The following RALGPS2 variants were observed in gnomAD, a reference collection of about 807,000 sequenced individuals.
The protein encoded by RALGPS2 is Ral GEF with PH domain and SH3 binding motif 2.
A neutral mutation model predicts 86.8 loss-of-function variants in RALGPS2; 43 were observed. The observed-to-expected ratio is 0.50, with a 90% CI of 0.39 to 0.64. The LOEUF is 0.64. Ranked by LOEUF, RALGPS2 falls within the 30% of genes least tolerant of loss-of-function variation. The probability of loss-of-function intolerance (pLI) is 0.00; values close to 1 mark genes in which losing one functional copy is unlikely to be tolerated. For missense variants in RALGPS2, 536 were observed against 694.6 expected (o/e 0.77, Z 2.57); for synonymous variants, 243 against 231.3 (o/e 1.05, Z -0.46).
intron 1 of RALGPS2, among the ~76,000 whole-genome samples, chr1:178,772,080 C>T (rs554934032): frequency 6.6e-6 from 1 of 152,190 alleles, no homozygotes; most frequent in Non-Finnish European, 1.5e-5. Context: ...TGTTGTTTTT[C>T]TGTTCTGCTG....
chr1:178,910,852 G>C (rs1234853848), intron 19 of RALGPS2, among the ~76,000 whole-genome samples: 2 of 152,002 alleles, frequency 1.3e-5, no homozygotes, highest in African/African-American at 4.8e-5. Flanking sequence ...GCTCTTTTTC[G>C]TACATATGGT....
intron 8 of RALGPS2, among the ~76,000 whole-genome samples, chr1:178,845,359 T>C (rs1360789574): frequency 6.6e-6 from 1 of 152,168 alleles, no homozygotes; most frequent in African/African-American, 2.4e-5. Flanking sequence ...TACTTTTTTG[T>C]TAGAAGAGAA....
At chr1:178,735,385 G>A (rs141329107) in intron 1 of RALGPS2, among the ~76,000 whole-genome samples, 11 of 151,976 alleles carry the variant, frequency 7.2e-5, no homozygotes, top group South Asian at 4.2e-4. Flanking sequence ...ACAACAAAGA[G>A]GGACCTTCTA....
intron 8 of RALGPS2, chr1:178,852,613 A>G: frequency 6.7e-7 from 1 of 1,491,946 alleles, no homozygotes; most frequent in South Asian, 1.3e-5. Context: ...AGTAGCATAT[A>G]TATTAGTAGA....
At position 178,795,145 on chromosome 1, in the gene RALGPS2, A is replaced by C. The variant is rs951960482; in HGVS notation, c.213+9538A>C. On this transcript the variant is annotated intron_variant, in intron 4 of 19. Coordinates refer to ENST00000367635, the MANE Select transcript of RALGPS2 (RefSeq NM_152663.5). ...CAGTGAGCCGAGATTGCGCCACTGC[A>C]CTCCAGCCTGGGTGATGGAGTGAGA... is the stretch of plus-strand genomic sequence containing the variant. 2.8e-4 allele frequency among the ~76,000 whole-genome samples: 43 copies of C among 151,340 alleles called. 1 individual carries two copies. The highest frequency in any genetic ancestry group is 4.4e-5 in the Non-Finnish European group (3 of 67,862).
chr1:178,852,924 G>T, intron 8 of RALGPS2: 2 of 1,612,412 alleles, frequency 1.2e-6, no homozygotes, highest in Non-Finnish European at 1.7e-6. Context: ...GTCCAAGCCA[G>T]TATTCTCCGT....
intron 4 of RALGPS2, among the ~76,000 whole-genome samples, chr1:178,792,506 AG>A: frequency 6.6e-6 from 1 of 152,188 alleles, no homozygotes; most frequent in Non-Finnish European, 1.5e-5. Context: ...CATTGGCTCT[AG>A]AAATAGGAGT....
chr1:178,851,934 G>A (rs1299979241), intron 8 of RALGPS2, among the ~76,000 whole-genome samples: 1 of 151,986 alleles, frequency 6.6e-6, no homozygotes, highest in Non-Finnish European at 1.5e-5. Context: ...AAGAAACCTG[G>A]GTTAAAAAGT....
In RALGPS2 at chr1:178,746,811, C is replaced by T. The variant is rs372909208; in HGVS notation, c.-84+21392C>T. On this transcript the variant is annotated intron_variant, in intron 1 of 19. Transcript: ENST00000367635. ...CACATACGTTTCCGTAGAACACTCT[C>T]ATTGTTCTCCTCCATTGTATCTTGC... The T allele has an allele frequency of 6.6e-6, 7 of 1,060,968 alleles. No homozygotes were observed. The African/African-American group carries it at 9.3e-5, about 14-fold the overall frequency. The allele number at this position is 1,060,968 out of a possible 1,614,324, so 65.7% of individuals were successfully genotyped here. A position where few individuals can be genotyped will look rare whatever the true frequency, so the allele number is the denominator to read the frequency against.
chr1:178,910,038 G>A (rs997734805), intron 19 of RALGPS2, among the ~76,000 whole-genome samples: 1 of 152,068 alleles, frequency 6.6e-6, no homozygotes, highest in African/African-American at 2.4e-5. Flanking sequence ...AAATGGAATT[G>A]TGTTCTTGAT....
intron 4 of RALGPS2, among the ~76,000 whole-genome samples, chr1:178,803,599 CT>C (rs976792108): frequency 6.6e-6 from 1 of 151,730 alleles, no homozygotes; most frequent in South Asian, 2.1e-4. Flanking sequence ...TAAATGTTTT[CT>C]TTTTTTACAG....
chr1:178,838,274 C>A (rs563285212), intron 8 of RALGPS2, among the ~76,000 whole-genome samples: 1 of 152,224 alleles, frequency 6.6e-6, no homozygotes, highest in Non-Finnish European at 1.5e-5. Flanking sequence ...AGACACCCCC[C>A]AGTAGGGGCA....
Position 178,892,296 on chromosome 1 carries a change from G to T in RALGPS2, c.1314G>T (p.Met438Ile). The stretch of plus-strand genomic sequence containing the variant: ...CACGAAATGGCTATCGAAGTCACAT[G>T]AAGGCCAGCAGGTACAATTCCCCTG... ...RVARNGYRSH[M>I]KASSSAESED... is the part of the protein sequence containing the mutation. The change falls in exon 15 of 20, where the codon ATG (methionine) becomes ATT (isoleucine). Residue 438 changes from methionine to isoleucine, a missense_variant. Physicochemically the swap from Met to Ile is conservative, Grantham distance 10 (BLOSUM62 1). Coordinates refer to ENST00000367635, the MANE Select transcript of RALGPS2 (RefSeq NM_152663.5). 6.2e-7 allele frequency: 1 copy of T among 1,612,506 alleles called. No homozygotes were observed. The highest frequency in any genetic ancestry group is 8.5e-7 in the Non-Finnish European group (1 of 1,178,968).
At chr1:178,882,098 G>C (rs1659281919) in intron 10 of RALGPS2, among the ~76,000 whole-genome samples, 1 of 152,170 alleles carries the variant, frequency 6.6e-6, no homozygotes. Context: ...CTTTGACGAT[G>C]TTGTAAGCAG....
chr1:178,802,215 TA>T (rs1654514241), intron 4 of RALGPS2, among the ~76,000 whole-genome samples: 1 of 152,012 alleles, frequency 6.6e-6, no homozygotes, highest in Non-Finnish European at 1.5e-5. Context: ...ATTCTTAAAG[TA>T]AGCTAGAAAA....
chr1:178,824,306 A>G (rs991360088), intron 7 of RALGPS2, among the ~76,000 whole-genome samples: 2 of 152,144 alleles, frequency 1.3e-5, no homozygotes, highest in Admixed American at 6.6e-5. Context: ...GCAGAGAAAT[A>G]TGGTACCTGG....
chr1:178,893,276 G>C (rs960199834), intron 15 of RALGPS2, among the ~76,000 whole-genome samples: 6 of 151,528 alleles, frequency 4.0e-5, no homozygotes, highest in African/African-American at 1.2e-4. Flanking sequence ...ACATGAAAAG[G>C]AAATCTTGAG....
Position 178,878,987 on chromosome 1 carries a change from T to C in RALGPS2, c.831T>C (p.Asn277=). The C allele has an allele frequency of 6.2e-7, 1 of 1,612,620 alleles. No homozygotes were observed. The highest frequency in any genetic ancestry group is 8.5e-7 in the Non-Finnish European group (1 of 1,179,420). The change falls in exon 10 of 20, where the codon AAT becomes AAC. Residue 277 remains asparagine (N), a synonymous_variant. Coordinates refer to ENST00000367635, the MANE Select transcript of RALGPS2 (RefSeq NM_152663.5). ...EELQKFVEDD[N]YKLSLKIEPG... ...TACAAAAATTTGTGGAAGACGATAA[T>C]TACAAGTAGGTTGGATCTTCAAAAG...
chr1:178,887,357 G>A (rs928865146), intron 13 of RALGPS2, among the ~76,000 whole-genome samples: 1 of 152,118 alleles, frequency 6.6e-6, no homozygotes, highest in African/African-American at 2.4e-5. Context: ...GGAGGCTGAG[G>A]CATAGGAATC....
Sources: allele counts gnomAD v4.1 joint callset (sites outside exome capture counted in the v4.1 genomes callset), GRCh38; gene constraint gnomAD v4.1.1; transcripts MANE v1.5; gene names NCBI Gene and HGNC (gene_info 2026-07-23, HGNC 2026-07-21).